Variants in ATG5 observed in about 807,000 individuals in gnomAD.
ATG5 encodes the protein autophagy related 5.
A neutral mutation model predicts 36.5 loss-of-function variants in ATG5; 14 were observed. The ratio of observed to expected loss-of-function variants is 0.38; its 90% confidence interval spans 0.25 to 0.60. The LOEUF is 0.60. Ranked by LOEUF, ATG5 falls within the 20% of genes least tolerant of loss-of-function variation. The pLI is 0.60. For synonymous variants in ATG5, 95 were observed against 101.5 expected (o/e 0.94, Z 0.38); for missense variants, 195 against 326.7 (o/e 0.60, Z 3.11).
chr6:106,194,279 G>A (rs1278816176), intron 7 of ATG5, among the ~76,000 whole-genome samples: 1 of 151,998 alleles, frequency 6.6e-6, no homozygotes. Context: ...TCTTCCGGGG[G>A]CAGTGCCATC....
rs1775768814 is a variant in ATG5, at chr6:106,186,368, G to A, written c.*172C>T. The A allele has an allele frequency of 1.5e-6, 1 of 689,204 alleles. No homozygotes were observed. The highest frequency in any genetic ancestry group is 2.4e-6 in the Non-Finnish European group (1 of 423,548). The allele number at this position is 689,204 out of a possible 1,614,324, so 42.7% of individuals were successfully genotyped here. On this transcript the variant is annotated 3_prime_UTR_variant, in exon 8 of 8. Coordinates refer to ENST00000369076, the MANE Select transcript of ATG5 (RefSeq NM_004849.4). ...TGGAGGAAAGCAGAGGTGATGCAAA[G>A]TAAGACCAGCCCAGTTGCCTTATCT...
At chr6:106,266,920 C>G (rs994159996) in intron 5 of ATG5, among the ~76,000 whole-genome samples, 1 of 152,302 alleles carries the variant, frequency 6.6e-6, no homozygotes, top group East Asian at 1.9e-4. Flanking sequence ...AAGCTGGAAG[C>G]ATTCCCTTTG....
chr6:106,246,679 A>T (rs2114509488), intron 6 of ATG5, among the ~76,000 whole-genome samples: 1 of 152,306 alleles, frequency 6.6e-6, no homozygotes, highest in Admixed American at 6.5e-5. Context: ...ACTTGACCCA[A>T]ATAAGTGCTG....
At chr6:106,316,807 C>G (rs1330996122) in intron 1 of ATG5, among the ~76,000 whole-genome samples, 2 of 152,184 alleles carry the variant, frequency 1.3e-5, no homozygotes, top group African/African-American at 2.4e-5. Flanking sequence ...ATTTCATCCT[C>G]TCTACAATTT....
Position 106,290,505 on chromosome 6 carries a change from G to C in ATG5, c.315+2523C>G, listed in dbSNP as rs1384847282. 2.6e-5 allele frequency among the ~76,000 whole-genome samples: 4 copies of C among 151,862 alleles called. 1 individual carries two copies. The highest frequency in any genetic ancestry group is 2.6e-4 in the Admixed American group (4 of 15,210). On this transcript the variant is annotated intron_variant, in intron 4 of 7. Coordinates refer to ENST00000369076, the MANE Select transcript of ATG5 (RefSeq NM_004849.4). The stretch of plus-strand genomic sequence containing the variant: ...CCAGCTAATTTTTAAACTTTTTGTA[G>C]AGATGGGGTCTACGTTGCCCAGGCT...
At position 106,235,373 on chromosome 6, in the gene ATG5, G is replaced by C. The variant is rs111397260; in HGVS notation, c.573+12777C>G. On this transcript the variant is annotated intron_variant, in intron 6 of 7. Transcript: ENST00000369076. ...TGATATCGAACGCACCCCTCCCGAG[G>C]AAATCTCAACTGCACAACCCCTACT... Among the ~76,000 whole-genome samples, 1,381 of 152,224 alleles carry C rather than the reference G, an allele frequency of 9.1e-3. 21 individuals are homozygous for C. The highest frequency in any genetic ancestry group is 0.032 in the African/African-American group (1,338 of 41,506).
At chr6:106,221,758 A>G (rs767546265) in intron 6 of ATG5, among the ~76,000 whole-genome samples, 36 of 152,080 alleles carry the variant, frequency 2.4e-4, no homozygotes, top group Admixed American at 3.9e-4. Flanking sequence ...TATGTTTACT[A>G]TATCTACTTA....
chr6:106,324,547 A>G (rs2114697102), intron 1 of ATG5, among the ~76,000 whole-genome samples: 1 of 152,242 alleles, frequency 6.6e-6, no homozygotes, highest in African/African-American at 2.4e-5. Flanking sequence ...TTTGTTTACT[A>G]TTTTGTTTAC....
intron 6 of ATG5, among the ~76,000 whole-genome samples, chr6:106,233,772 C>T (rs1777780332): frequency 6.6e-6 from 1 of 152,064 alleles, no homozygotes; most frequent in Non-Finnish European, 1.5e-5. Context: ...ATCCCCATGG[C>T]CCTCCCTTAT....
At chr6:106,236,578 C>T (rs12529488) in intron 6 of ATG5, among the ~76,000 whole-genome samples, 11,395 of 152,238 alleles carry the variant, frequency 0.075, 729 homozygotes, top group Admixed American at 0.22. Flanking sequence ...TTTCATTTTC[C>T]TGATGAGTAA....
At chr6:106,243,955 C>T (rs1582601074) in intron 6 of ATG5, among the ~76,000 whole-genome samples, 3 of 133,416 alleles carry the variant, frequency 2.2e-5, no homozygotes, top group Middle Eastern at 4.6e-3. Context: ...GTTTCTGATG[C>T]CCAGGCTTGA....
At chr6:106,295,873 CT>C (rs928786320) in intron 3 of ATG5, among the ~76,000 whole-genome samples, 1 of 152,098 alleles carries the variant, frequency 6.6e-6, no homozygotes, top group African/African-American at 2.4e-5. Context: ...CCAAATAACT[CT>C]TTAAGGAAAT....
At chr6:106,316,486 T>C (rs7755506) in intron 1 of ATG5, among the ~76,000 whole-genome samples, 3,168 of 152,210 alleles carry the variant, frequency 0.021, 99 homozygotes, top group African/African-American at 0.073. Context: ...CAAAATTACA[T>C]ATGCCAGTAA....
intron 6 of ATG5, among the ~76,000 whole-genome samples, chr6:106,219,392 C>T (rs544652980): frequency 1.2e-4 from 18 of 152,306 alleles, no homozygotes; most frequent in South Asian, 2.1e-4. Context: ...AACTCAGCCA[C>T]ACATCTAACA....
At chr6:106,243,617 G>T (rs1778212021) in intron 6 of ATG5, among the ~76,000 whole-genome samples, 1 of 150,324 alleles carries the variant, frequency 6.7e-6, no homozygotes, top group Non-Finnish European at 1.5e-5. Flanking sequence ...GTTCACCTGA[G>T]GTCAGGAGTT....
chr6:106,267,350 A>C (rs1779266239), intron 5 of ATG5, among the ~76,000 whole-genome samples: 1 of 152,184 alleles, frequency 6.6e-6, no homozygotes, highest in Admixed American at 6.5e-5. Context: ...GACACAAACA[A>C]ATGGAAAAAC....
At chr6:106,197,387 A>G (rs1776238775) in intron 7 of ATG5, among the ~76,000 whole-genome samples, 1 of 152,164 alleles carries the variant, frequency 6.6e-6, no homozygotes, top group Non-Finnish European at 1.5e-5. Context: ...TTCAAATATT[A>G]AACTCTGGCT....
At chr6:106,205,770 C>T (rs995439395) in intron 6 of ATG5, among the ~76,000 whole-genome samples, 2 of 152,070 alleles carry the variant, frequency 1.3e-5, no homozygotes, top group African/African-American at 4.8e-5. Flanking sequence ...TATTTGCTTA[C>T]TGGGGACAAA....
At chr6:106,194,278 G>C (rs1394860091) in intron 7 of ATG5, among the ~76,000 whole-genome samples, 1 of 151,862 alleles carries the variant, frequency 6.6e-6, no homozygotes, top group Non-Finnish European at 1.5e-5. Flanking sequence ...TTCTTCCGGG[G>C]GCAGTGCCAT....
Sources: gnomAD v4.1 joint callset for allele counts (sites outside exome capture counted in the v4.1 genomes callset) on GRCh38, gnomAD v4.1.1 for gene constraint, MANE v1.5 for transcripts, NCBI Gene and HGNC (gene_info 2026-07-23, HGNC 2026-07-21) for gene names.